CCNA2: variants seen among roughly 807,000 people sequenced by gnomAD.
CCNA2 encodes cyclin A2.
CCNA2 carries 3 observed loss-of-function variants against 49.4 expected under a neutral mutation model. The ratio of observed to expected loss-of-function variants is 0.06; its 90% CI spans 0.03 to 0.16. The LOEUF is 0.16. CCNA2 is among the 10% of genes least tolerant of loss of function. The pLI is 1.00. For synonymous variants in CCNA2, 206 were observed against 197.2 expected, an observed-to-expected ratio of 1.04 and a Z score of -0.37; for missense variants, 372 against 519.7, an observed-to-expected ratio of 0.72 and a Z score of 2.76.
intron 7 of CCNA2, 136 bp from the exon 8 acceptor site, chr4:121,817,822 ACTGT>A (rs529728810): frequency 3.6e-5 from 46 of 1,280,280 alleles, no homozygotes; most frequent in Admixed American, 1.3e-4. Flanking sequence ...TTTTAGAAAC[ACTGT>A]CTGGTCCCTG....
Position 121,816,806 on chromosome 4 carries a change from C to T in CCNA2, c.*832G>A. The T allele has an allele frequency of 6.2e-7, 1 of 1,601,754 alleles. No individual in the cohort carries two copies. Among genetic ancestry groups the T allele is most frequent in the Non-Finnish European group, 8.5e-7 (1 of 1,173,648 alleles). On this transcript the variant is annotated 3_prime_UTR_variant, in exon 8 of 8. Transcript: ENST00000274026. ...CACCAGTGCAAAACAAGAAAAAGCA[C>T]CAAGTAAAAAGCCAGTGAAAAGAAG...
In CCNA2 at chr4:121,817,612, T is replaced by C. The variant is rs372013591; in HGVS notation, c.*26A>G. On this transcript the variant is annotated 3_prime_UTR_variant, in exon 8 of 8. Transcript: ENST00000274026. ...CATATACTTTGAGTGATTTACATCT[T>C]AGAAAACAAAGGCAGTCTTTCATTG... is the stretch of plus-strand genomic sequence containing the variant. 247 of 1,613,726 alleles carry C rather than the reference T, an allele frequency of 1.5e-4. No homozygotes were observed. The African/African-American group carries it at 3.0e-3, about 20-fold the overall frequency.
chr4:121,819,294 T>A lies in CCNA2; in HGVS notation c.1002+78A>T. 4 of 1,051,646 alleles carry A rather than the reference T, an allele frequency of 3.8e-6. 1 individual carries two copies. The highest frequency in any genetic ancestry group is 5.8e-6 in the Non-Finnish European group (4 of 687,788). 65.1% of individuals were successfully genotyped at this position (1,051,646 alleles called of 1,614,324 possible). A position where few individuals can be genotyped will look rare whatever the true frequency, so the allele number is the denominator to read the frequency against. On this transcript the variant is annotated intron_variant, in intron 5 of 7. Coordinates refer to ENST00000274026, the MANE Select transcript of CCNA2 (RefSeq NM_001237.5). ...ACCACTGCTGTACAAAGGAACTAGG[T>A]TCCTTTACAAAGGAATTAGGGCTTA...
Position 121,816,920 on chromosome 4 carries a change from C to G in CCNA2, c.*718G>C, listed in dbSNP as rs1724539527. The G allele has an allele frequency of 1.5e-6, 2 of 1,373,530 alleles. No individual in the cohort carries two copies. Among genetic ancestry groups the G allele is most frequent in the African/African-American group, 3.0e-5 (2 of 66,666 alleles). 85.1% of individuals were successfully genotyped at this position (1,373,530 alleles called of 1,614,324 possible). On this transcript the variant is annotated 3_prime_UTR_variant, in exon 8 of 8. Coordinates refer to ENST00000274026, the MANE Select transcript of CCNA2 (RefSeq NM_001237.5). ...GGGATATTTATTCCATTCTGAGAACCCTGGGTATTTTTTATTCACAAATCC... is the reference window on the plus strand; with the variant it reads ...GGGATATTTATTCCATTCTGAGAACGCTGGGTATTTTTTATTCACAAATCC...
rs1258624034 is a variant in CCNA2 at position 121,820,856 on chromosome 4, C to A, written c.571-91G>T. On this transcript the variant is annotated intron_variant, in intron 3 of 7. Transcript: ENST00000274026. The surrounding 1 kb of genome is among the most constrained non-coding windows in gnomAD (Gnocchi z 4.1). ...ACCATTAATTACGAGAGGCTACATG[C>A]TATAAACTTAACTGTAGCATTAGAA... The A allele has an allele frequency of 8.1e-7, 1 of 1,235,066 alleles. No homozygotes were observed. Among genetic ancestry groups the A allele is most frequent in the Non-Finnish European group, 1.2e-6 (1 of 861,136 alleles). The allele number at this position is 1,235,066 out of a possible 1,614,324, so 76.5% of individuals were successfully genotyped here.
Position 121,816,916 on chromosome 4 carries a change from G to C in CCNA2, c.*722C>G. ...AAAAGGGATATTTATTCCATTCTGA[G>C]AACCCTGGGTATTTTTTATTCACAA... On this transcript the variant is annotated 3_prime_UTR_variant, in exon 8 of 8. Transcript: ENST00000274026. The C allele has an allele frequency of 2.2e-6, 3 of 1,395,220 alleles. No homozygotes were observed. The highest frequency in any genetic ancestry group is 2.9e-6 in the Non-Finnish European group (3 of 1,050,108). 86.4% of individuals were successfully genotyped at this position (1,395,220 alleles called of 1,614,324 possible).
chr4:121,823,744 G>A lies in CCNA2; in HGVS notation c.-116C>T, dbSNP rs1036678594. ...AGAATAGTCGTAGCCGCCGGTCGCA[G>A]CCCAGGCCAGCCTACCAGCCCGCCC... is the stretch of plus-strand genomic sequence containing the variant. On this transcript the variant is annotated 5_prime_UTR_variant, in exon 1 of 8. Coordinates refer to ENST00000274026, the MANE Select transcript of CCNA2 (RefSeq NM_001237.5). The A allele has an allele frequency of 9.7e-6, 14 of 1,443,058 alleles. No individual in the cohort carries two copies. In the African/African-American group the frequency reaches 1.9e-4, roughly 19 times the overall value. The allele number at this position is 1,443,058 out of a possible 1,614,324, so 89.4% of individuals were successfully genotyped here.
rs1406443602 is a variant in CCNA2, at chr4:121,816,636, A to G, written c.*1002T>C. On this transcript the variant is annotated 3_prime_UTR_variant, in exon 8 of 8. Transcript: ENST00000274026. ...AAAAATTAGGACCTAAATCTATAAT[A>G]TAAACTTCTTGGATGCCAGTCTTAC... The G allele has an allele frequency of 4.3e-6, 4 of 938,884 alleles. No individual in the cohort carries two copies. In the African/African-American group the frequency reaches 5.1e-5, roughly 12 times the overall value. 58.2% of individuals were successfully genotyped at this position (938,884 alleles called of 1,614,324 possible).
rs961773058 is a variant in CCNA2, at chr4:121,822,395, A to C, written c.457+8T>G. Reference sequence around the variant, plus strand: ...CGTAATTCCACACAGATTTTCCTTAAAACTTACCAAAACTACCATCCATTG... The same window carrying C: ...CGTAATTCCACACAGATTTTCCTTACAACTTACCAAAACTACCATCCATTG... On this transcript the variant is annotated splice_region_variant and intron_variant, in intron 2 of 7. Coordinates refer to ENST00000274026, the MANE Select transcript of CCNA2 (RefSeq NM_001237.5). The C allele has an allele frequency of 6.2e-7, 1 of 1,612,414 alleles. No homozygotes were observed. Among genetic ancestry groups the C allele is most frequent in the African/African-American group, 1.3e-5 (1 of 74,796 alleles).
Position 121,820,544 on chromosome 4 carries a change from G to A in CCNA2, c.792C>T (p.Ala264=). 1 of 1,608,678 alleles carries A rather than the reference G, an allele frequency of 6.2e-7. No individual in the cohort carries two copies. The highest frequency in any genetic ancestry group is 8.5e-7 in the Non-Finnish European group (1 of 1,176,100). ...QLVGTAAMLL[A]SKFEEIYPPE... The stretch of plus-strand genomic sequence containing the variant: ...TAAACAAACCAAGGTAGACTTACGA[G>A]GCTAACAGCATAGCAGCAGTGCCCA... Residue 264 remains alanine (A), a splice_region_variant and synonymous_variant, in exon 4 of 8, where the codon GCC becomes GCT. Coordinates refer to ENST00000274026, the MANE Select transcript of CCNA2 (RefSeq NM_001237.5). The surrounding 1 kb of genome is among the most constrained non-coding windows in gnomAD (Gnocchi z 4.1).
At chr4:121,818,663 A>G in intron 6 of CCNA2, 137 bp downstream of exon 6, 1 of 621,532 alleles carries the variant, frequency 1.6e-6, no homozygotes, top group Admixed American at 2.8e-5. Flanking sequence ...TGTGTTTTTC[A>G]AAGGTCAACT....
chr4:121,819,638 C>T (rs1376312340), intron 4 of CCNA2, 59 bp from the exon 5 acceptor site: 1 of 1,168,466 alleles, frequency 8.6e-7, no homozygotes, highest in Non-Finnish European at 1.3e-6. Context: ...TTCCTTATCC[C>T]AGTTCTGAAA....
Position 121,821,086 on chromosome 4 carries a change from G to C in CCNA2, c.463C>G (p.Pro155Ala). ...DYPMDGSFES[P>A]HTMDMSIILE... ...ATAATTGACATGTCCATAGTATGTGGTGACTCTGGGACAATTCAAAAGATA... is the reference window on the plus strand; with the variant it reads ...ATAATTGACATGTCCATAGTATGTGCTGACTCTGGGACAATTCAAAAGATA... Residue 155 changes from proline (P) to alanine (A), a missense_variant, in exon 3 of 8, where the codon CCA becomes GCA. This residue lies in a region of CCNA2 where 217 missense variants were observed against 231.7 expected (regional missense o/e 0.94). Transcript: ENST00000274026. The C allele has an allele frequency of 6.2e-7, 1 of 1,612,410 alleles. No homozygotes were observed. The highest frequency in any genetic ancestry group is 8.5e-7 in the Non-Finnish European group (1 of 1,179,172).
chr4:121,818,112 A>G lies in CCNA2; in HGVS notation c.1182T>C (p.Leu394=). The G allele has an allele frequency of 1.2e-6, 2 of 1,613,644 alleles. No individual in the cohort carries two copies. Among genetic ancestry groups the G allele is most frequent in the Non-Finnish European group, 1.7e-6 (2 of 1,179,536 alleles). Residue 394 remains leucine (L), a synonymous_variant, in exon 7 of 8, where the codon CTT becomes CTC. Coordinates refer to ENST00000274026, the MANE Select transcript of CCNA2 (RefSeq NM_001237.5). The part of the protein sequence containing the change: ...LESLKPCLMD[L]HQTYLKAPQH... Reference sequence around the variant, plus strand: ...GTGGTGCTTTGAGGTAGGTCTGGTGAAGGTCCATGAGACAAGGCTTAAGAC... The same window carrying G: ...GTGGTGCTTTGAGGTAGGTCTGGTGGAGGTCCATGAGACAAGGCTTAAGAC...
intron 1 of CCNA2, among the ~76,000 whole-genome samples, chr4:121,823,117 A>G (rs1347736841): frequency 5.3e-5 from 8 of 152,162 alleles, no homozygotes; most frequent in African/African-American, 1.9e-4. Context: ...AGTGGAGAGA[A>G]AGGCGCGGAG....
chr4:121,822,356 A>C, intron 2 of CCNA2, 47 bp downstream of exon 2: 1 of 1,563,582 alleles, frequency 6.4e-7, no homozygotes, highest in Non-Finnish European at 8.7e-7. Flanking sequence ...ATATCATCTA[A>C]TAATTATAAT....
rs545304173 is a variant in CCNA2 at position 121,816,883 on chromosome 4, T to TAACTA, written c.*750_*754dup. 68 of 1,512,118 alleles carry TAACTA rather than the reference T, an allele frequency of 4.5e-5. No homozygotes were observed. The highest frequency in any genetic ancestry group is 5.5e-5 in the Non-Finnish European group (62 of 1,124,162). 93.7% of individuals were successfully genotyped at this position (1,512,118 alleles called of 1,614,324 possible). ...GCTAACAGTTGTATATCTGTATATA[T>TAACTA]AACTATTAAAAGGGATATTTATTCC... is the stretch of plus-strand genomic sequence containing the variant. On this transcript the variant is annotated 3_prime_UTR_variant, in exon 8 of 8. Coordinates refer to ENST00000274026, the MANE Select transcript of CCNA2 (RefSeq NM_001237.5).
In CCNA2 at chr4:121,822,610, G is replaced by A; in HGVS notation, c.250C>T (p.His84Tyr). The A allele has an allele frequency of 1.2e-6, 2 of 1,613,980 alleles. No individual in the cohort carries two copies. Among genetic ancestry groups the A allele is most frequent in the Non-Finnish European group, 1.7e-6 (2 of 1,179,954 alleles). ...PLKDLPVNDE[H>Y]VTVPPWKANS... ...GCTTTCCAAGGAGGAACGGTGACAT[G>A]CTCATCATTTACAGGAAGATCCTTA... The change falls in exon 2 of 8, where the codon CAT becomes TAT. Residue 84 changes from histidine (H) to tyrosine (Y), a missense_variant. His to Tyr is a moderately conservative substitution (Grantham distance 83). This residue lies in a region of CCNA2 where 217 missense variants were observed against 231.7 expected (regional missense o/e 0.94). Coordinates refer to ENST00000274026, the MANE Select transcript of CCNA2 (RefSeq NM_001237.5).
At position 121,817,157 on chromosome 4, in the gene CCNA2, C is replaced by T. The variant is rs972679743; in HGVS notation, c.*481G>A. On this transcript the variant is annotated 3_prime_UTR_variant, in exon 8 of 8. Transcript: ENST00000274026. Reference sequence around the variant, plus strand: ...TCTGGGGAATCTCTACTGTATCTATCTCTGAATACTGTATTCAGATATGCT... The same window carrying T: ...TCTGGGGAATCTCTACTGTATCTATTTCTGAATACTGTATTCAGATATGCT... 7 of 292,486 alleles carry T rather than the reference C, an allele frequency of 2.4e-5. No homozygotes were observed. The highest frequency in any genetic ancestry group is 1.1e-4 in the African/African-American group (5 of 45,026). The allele number at this position is 292,486 out of a possible 1,614,324, so 18.1% of individuals were successfully genotyped here. A position where few individuals can be genotyped will look rare whatever the true frequency, so the allele number is the denominator to read the frequency against.
Sources: gnomAD v4.1 joint callset for allele counts (sites outside exome capture counted in the v4.1 genomes callset) on GRCh38, gnomAD v4.1.1 for gene constraint, gnomAD v4.1.1 regional missense constraint, Gnocchi (gnomAD v3.1) non-coding constraint, MANE v1.5 for transcripts, NCBI Gene and HGNC (gene_info 2026-07-23, HGNC 2026-07-21) for gene names.